DEPTOR: variants seen among roughly 807,000 people sequenced by gnomAD.
DEPTOR encodes DEP domain containing MTOR interacting protein.
In DEPTOR, 41 loss-of-function variants were observed where a neutral mutation model predicts 41.6. The observed-to-expected ratio is 0.98, with a 90% CI of 0.77 to 1.28. The LOEUF (loss-of-function observed/expected upper bound fraction) is 1.28, where lower values mean the gene tolerates loss of function less well. Among genes scored for constraint, DEPTOR ranks in the 50% most tolerant of loss-of-function variants. DEPTOR has a pLI of 0.00. For missense variants in DEPTOR, 514 were observed against 527.9 expected (o/e 0.97, Z 0.26); for synonymous variants, 195 against 192.3 (o/e 1.01, Z -0.12).
At chr8:119,974,223 A>G (rs1396805578) in intron 4 of DEPTOR, among the ~76,000 whole-genome samples, 1 of 126,678 alleles carries the variant, frequency 7.9e-6, no homozygotes, top group Non-Finnish European at 1.6e-5. Context: ...ACATAGTGAG[A>G]TCTTGTCTCT....
At chr8:119,926,615 G>A (rs903213837) in intron 1 of DEPTOR, among the ~76,000 whole-genome samples, 3 of 152,094 alleles carry the variant, frequency 2.0e-5, no homozygotes, top group Non-Finnish European at 4.4e-5. Context: ...TTCCTGTCTG[G>A]TTTTTCCTTA....
intron 1 of DEPTOR, among the ~76,000 whole-genome samples, chr8:119,891,944 T>G (rs1827457837): frequency 6.6e-6 from 1 of 152,182 alleles, no homozygotes; most frequent in Admixed American, 6.6e-5. Context: ...TTTCAATATA[T>G]TTGTCATCCC....
intron 4 of DEPTOR, among the ~76,000 whole-genome samples, chr8:119,985,719 C>G (rs1428836181): frequency 6.6e-6 from 1 of 150,396 alleles, no homozygotes; most frequent in African/African-American, 2.5e-5. Context: ...GTTAGCTCTT[C>G]TTGTTGCATT....
At chr8:119,920,009 G>A (rs1012193311) in intron 1 of DEPTOR, among the ~76,000 whole-genome samples, 10 of 152,166 alleles carry the variant, frequency 6.6e-5, no homozygotes, top group African/African-American at 2.4e-4. Context: ...TTCAGCAGCT[G>A]GTTAGCTGGA....
At chr8:119,930,305 C>T (rs141330829) in intron 3 of DEPTOR, among the ~76,000 whole-genome samples, 10 of 152,180 alleles carry the variant, frequency 6.6e-5, no homozygotes, top group African/African-American at 2.2e-4. Context: ...GGCATGATCT[C>T]GGCTCACTGC....
At chr8:119,981,080 A>C (rs1443721400) in intron 4 of DEPTOR, among the ~76,000 whole-genome samples, 3 of 152,214 alleles carry the variant, frequency 2.0e-5, no homozygotes, top group Admixed American at 6.5e-5. Context: ...GCATGAGGAA[A>C]ATAGAACTAT....
At chr8:119,878,257 C>T (rs186536953) in intron 1 of DEPTOR, among the ~76,000 whole-genome samples, 25 of 151,896 alleles carry the variant, frequency 1.6e-4, no homozygotes, top group African/African-American at 4.8e-4. Flanking sequence ...TCAGGTGATC[C>T]GCTCACCTCA....
intron 3 of DEPTOR, among the ~76,000 whole-genome samples, chr8:119,964,277 G>A (rs1455408175): frequency 6.6e-6 from 1 of 152,110 alleles, no homozygotes; most frequent in East Asian, 1.9e-4. Flanking sequence ...GGCACTTTGG[G>A]AGGCCAAGAT....
Position 119,944,562 on chromosome 8 carries a change from C to A in DEPTOR, c.425+14624C>A, listed in dbSNP as rs938854864. On this transcript the variant is annotated intron_variant, in intron 3 of 8. Transcript: ENST00000286234. ...TCTCTGAGGTCATGTACCTTGAGGCCTCACACAACTTTGGTATACGTACAT... is the reference window on the plus strand; with the variant it reads ...TCTCTGAGGTCATGTACCTTGAGGCATCACACAACTTTGGTATACGTACAT... Among the ~76,000 whole-genome samples the A allele has an allele frequency of 1.8e-4, 27 of 152,100 alleles. 2 individuals are homozygous for A. Among genetic ancestry groups the A allele is most frequent in the Admixed American group, 1.5e-3 (23 of 15,272 alleles).
chr8:119,920,509 C>A (rs1403481821), intron 1 of DEPTOR, among the ~76,000 whole-genome samples: 1 of 152,068 alleles, frequency 6.6e-6, no homozygotes, highest in East Asian at 1.9e-4. Flanking sequence ...GAAGATAAGT[C>A]AAATGGTTAT....
At position 120,002,984 on chromosome 8, in the gene DEPTOR, C is replaced by T. The variant is rs1447528314; in HGVS notation, c.798C>T (p.Pro266=). 1 of 1,567,170 alleles carries T rather than the reference C, an allele frequency of 6.4e-7. No homozygotes were observed. The highest frequency in any genetic ancestry group is 1.4e-5 in the African/African-American group (1 of 73,402). Residue 266 remains proline (P), a synonymous_variant, in exon 6 of 9, where the codon CCC becomes CCT. Transcript: ENST00000286234. The part of the protein sequence containing the change: ...RKSTSFMSVS[P]SKEIKIVSAV... Reference sequence around the variant, plus strand: ...GTTCTCTGGCCTACACAGTGAGCCCCAGCAAGGAGATCAAGATCGTGTCTG... The same window carrying T: ...GTTCTCTGGCCTACACAGTGAGCCCTAGCAAGGAGATCAAGATCGTGTCTG...
At chr8:119,981,390 CTCACG>C (rs1828765128) in intron 4 of DEPTOR, among the ~76,000 whole-genome samples, 1 of 152,174 alleles carries the variant, frequency 6.6e-6, no homozygotes, top group Non-Finnish European at 1.5e-5. Flanking sequence ...GGCACAGTGG[CTCACG>C]CCTGTATTCC....
Position 119,897,288 on chromosome 8 carries a change from A to C in DEPTOR, c.122+23320A>C, listed in dbSNP as rs532004917. On this transcript the variant is annotated intron_variant, in intron 1 of 8. Coordinates refer to ENST00000286234, the MANE Select transcript of DEPTOR (RefSeq NM_022783.4). ...GGTGGCCCACACCTGTAATCCCAGCACTTTGGGAGGCCGAGGTGGGCAGAT... is the reference window on the plus strand; with the variant it reads ...GGTGGCCCACACCTGTAATCCCAGCCCTTTGGGAGGCCGAGGTGGGCAGAT... Among the ~76,000 whole-genome samples the C allele has an allele frequency of 2.4e-3, 372 of 152,224 alleles. 2 individuals are homozygous for C. Among genetic ancestry groups the C allele is most frequent in the African/African-American group, 8.0e-3 (331 of 41,540 alleles).
chr8:119,936,131 C>T (rs149761621), intron 3 of DEPTOR, among the ~76,000 whole-genome samples: 98 of 151,982 alleles, frequency 6.4e-4, no homozygotes, highest in Middle Eastern at 3.4e-3. Flanking sequence ...TTAACAAGCC[C>T]GTATGCCATT....
intron 3 of DEPTOR, among the ~76,000 whole-genome samples, chr8:119,949,188 A>G (rs1828321046): frequency 6.6e-6 from 1 of 152,204 alleles, no homozygotes; most frequent in Admixed American, 6.5e-5. Flanking sequence ...AGATTTCTCC[A>G]TGTTGTAGCT....
intron 4 of DEPTOR, among the ~76,000 whole-genome samples, chr8:119,988,496 T>A (rs190252547): frequency 2.0e-5 from 3 of 152,182 alleles, no homozygotes; most frequent in Non-Finnish European, 4.4e-5. Context: ...TACAAATATT[T>A]TTTTGAGATG....
At chr8:119,891,787 G>GA (rs11377518) in intron 1 of DEPTOR, among the ~76,000 whole-genome samples, 33,214 of 152,090 alleles carry the variant, frequency 0.22, 4,154 homozygotes, top group African/African-American at 0.32. Context: ...TCCACTCAGA[G>GA]AGAGTCCCAG....
At chr8:119,946,286 A>G (rs1445315987) in intron 3 of DEPTOR, among the ~76,000 whole-genome samples, 4 of 152,216 alleles carry the variant, frequency 2.6e-5, no homozygotes, top group Admixed American at 2.0e-4. Flanking sequence ...TAACTTTATT[A>G]AAGTTAAATT....
intron 8 of DEPTOR, among the ~76,000 whole-genome samples, chr8:120,017,001 T>C (rs1422934870): frequency 1.3e-5 from 2 of 152,226 alleles, no homozygotes; most frequent in African/African-American, 4.8e-5. Flanking sequence ...TATGATTATA[T>C]GTATTTATAT....
Sources: allele counts gnomAD v4.1 joint callset (sites outside exome capture counted in the v4.1 genomes callset), GRCh38; gene constraint gnomAD v4.1.1; transcripts MANE v1.5; gene names NCBI Gene and HGNC (gene_info 2026-07-23, HGNC 2026-07-21).